SDK2: variants seen among roughly 807,000 people sequenced by gnomAD.
SDK2 encodes the protein protein sidekick-2.
In SDK2, 105 loss-of-function variants were observed where a neutral mutation model predicts 253.9. The observed-to-expected ratio is 0.41, with a 90% CI of 0.35 to 0.49. The LOEUF (loss-of-function observed/expected upper bound fraction) is 0.49, where lower values mean the gene tolerates loss of function less well. Ranked by LOEUF, SDK2 falls within the 20% of genes least tolerant of loss-of-function variation. The pLI is 0.06. For missense variants in SDK2, 2,608 were observed against 3,003.0 expected, an observed-to-expected ratio of 0.87 and a Z score of 3.07; for synonymous variants, 1,249 against 1,234.9, an observed-to-expected ratio of 1.01 and a Z score of -0.24.
intron 1 of SDK2, among the ~76,000 whole-genome samples, chr17:73,526,348 G>C (rs1361002515): frequency 1.3e-5 from 2 of 152,188 alleles, no homozygotes; most frequent in African/African-American, 4.8e-5. Context: ...CCCTGGCTTT[G>C]CCAATTAGGA....
rs2062673781 is a variant in SDK2 at position 73,365,199 on chromosome 17, ATG to A, written c.5305+57_5305+58del. On this transcript the variant is annotated intron_variant, in intron 38 of 44. Transcript: ENST00000392650. ...TGTAGTGGCTGTGATGGGCGCTGAG[ATG>A]AGAGCGAGCTTTTGCAAAGTGGGGG... 3 of 1,364,030 alleles carry A rather than the reference ATG, an allele frequency of 2.2e-6. No homozygotes were observed. The Admixed American group carries it at 7.0e-5, about 32-fold the overall frequency. 84.5% of individuals were successfully genotyped at this position (1,364,030 alleles called of 1,614,324 possible).
chr17:73,402,175 A>G, intron 18 of SDK2, 34 bp from the exon 19 acceptor site: 1 of 1,600,150 alleles, frequency 6.2e-7, no homozygotes, highest in Non-Finnish European at 8.5e-7. Context: ...ACAGGGCAGC[A>G]GGAAGGTTCC....
Position 73,455,876 on chromosome 17 carries a change from C to A in SDK2, c.479+30G>T. 1 of 1,520,552 alleles carries A rather than the reference C, an allele frequency of 6.6e-7. No homozygotes were observed. The highest frequency in any genetic ancestry group is 1.2e-5 in the South Asian group (1 of 82,672). 94.2% of individuals were successfully genotyped at this position (1,520,552 alleles called of 1,614,324 possible). A position where few individuals can be genotyped will look rare whatever the true frequency, so the allele number is the denominator to read the frequency against. On this transcript the variant is annotated intron_variant, in intron 4 of 44. Transcript: ENST00000392650. The surrounding 1 kb of genome is among the most constrained non-coding windows in gnomAD (Gnocchi z 5.0). ...ACCTCCTCCCCCAGACACCCCTCCCCTCCCCGTCCCCTCAGAGCGATGCAC... is the reference window on the plus strand; with the variant it reads ...ACCTCCTCCCCCAGACACCCCTCCCATCCCCGTCCCCTCAGAGCGATGCAC...
chr17:73,415,771 G>A (rs1289651623), intron 17 of SDK2, 40 bp downstream of exon 17: 4 of 1,521,062 alleles, frequency 2.6e-6, no homozygotes, highest in Admixed American at 2.0e-5. Context: ...TTACACGCAT[G>A]AGCCACCGCG....
chr17:73,621,955 A>G (rs1370854074), intron 1 of SDK2, among the ~76,000 whole-genome samples: 1 of 152,232 alleles, frequency 6.6e-6, no homozygotes, highest in Non-Finnish European at 1.5e-5. Flanking sequence ...CAGGATAACC[A>G]ACGACTCATC....
At chr17:73,524,014 G>C (rs900938244) in intron 1 of SDK2, among the ~76,000 whole-genome samples, 2 of 152,170 alleles carry the variant, frequency 1.3e-5, no homozygotes, top group African/African-American at 4.8e-5. Flanking sequence ...ATGAATGAAA[G>C]GGATTTTCTC....
chr17:73,379,778 C>T lies in SDK2; in HGVS notation c.4763-229G>A, dbSNP rs1318726138. ...GGTTGGCCTCTTGGCCTAGGGTGGC[C>T]GTACATTTTATTGTTCAACTGGACA... On this transcript the variant is annotated intron_variant, in intron 34 of 44. Transcript: ENST00000392650. This position sits in a 1 kb window ranked among gnomAD's most constrained non-coding sequence, Gnocchi z 4.5. Among the ~76,000 whole-genome samples, 5 of 150,066 alleles carry T rather than the reference C, an allele frequency of 3.3e-5. No homozygotes were observed. The highest frequency in any genetic ancestry group is 6.7e-5 in the Admixed American group (1 of 14,892).
intron 44 of SDK2, among the ~76,000 whole-genome samples, chr17:73,347,839 G>T (rs1438961672): frequency 6.6e-6 from 1 of 152,182 alleles, no homozygotes; most frequent in Non-Finnish European, 1.5e-5. Context: ...GCTCTCTGAA[G>T]CTCTGTGTCT....
intron 1 of SDK2, among the ~76,000 whole-genome samples, chr17:73,567,895 A>G (rs2045332209): frequency 6.6e-6 from 1 of 152,252 alleles, no homozygotes; most frequent in Non-Finnish European, 1.5e-5. Flanking sequence ...CATAAATTTA[A>G]AACAACTTGC....
chr17:73,543,417 G>C (rs2044902717), intron 1 of SDK2, among the ~76,000 whole-genome samples: 1 of 152,212 alleles, frequency 6.6e-6, no homozygotes. Context: ...CTGAGGACAG[G>C]TGTGTGGCAC....
chr17:73,492,231 C>T (rs1010284875), intron 2 of SDK2, among the ~76,000 whole-genome samples: 9 of 152,132 alleles, frequency 5.9e-5, no homozygotes, highest in South Asian at 2.1e-4. Context: ...ATAATAATCC[C>T]GGTTGTTTAA....
intron 1 of SDK2, among the ~76,000 whole-genome samples, chr17:73,632,341 A>G (rs1437225742): frequency 6.6e-6 from 1 of 152,230 alleles, no homozygotes; most frequent in Non-Finnish European, 1.5e-5. Flanking sequence ...AGGCAGAGGA[A>G]CGTGGAAGAA....
At chr17:73,563,772 C>T (rs1015855610) in intron 1 of SDK2, among the ~76,000 whole-genome samples, 2 of 151,398 alleles carry the variant, frequency 1.3e-5, no homozygotes, top group East Asian at 1.9e-4. Context: ...TTTTTTCTCT[C>T]ACTGATTTTT....
In SDK2 at chr17:73,361,804, G is replaced by GACC; in HGVS notation, c.5346_5347insGGT (p.Ser1782_Pro1783insGly). The GACC allele has an allele frequency of 6.2e-7, 1 of 1,607,932 alleles. No individual in the cohort carries two copies. Among genetic ancestry groups the GACC allele is most frequent in the African/African-American group, 1.3e-5 (1 of 74,966 alleles). ...AGGTCCTTCACCTTCAGCCACAGGG[G>GACC]GCTGTTCCCCTTCACGTCCACGGTC... On this transcript the variant is annotated inframe_insertion, in exon 39 of 45. Transcript: ENST00000392650. The surrounding 1 kb of genome is among the most constrained non-coding windows in gnomAD (Gnocchi z 4.1).
At chr17:73,387,633 A>C (rs911175528) in intron 30 of SDK2, among the ~76,000 whole-genome samples, 5 of 152,208 alleles carry the variant, frequency 3.3e-5, no homozygotes, top group African/African-American at 1.2e-4. Context: ...AGAGTTCCAG[A>C]GGGAACAGAG....
chr17:73,568,921 C>T (rs921721445), intron 1 of SDK2, among the ~76,000 whole-genome samples: 13 of 152,190 alleles, frequency 8.5e-5, no homozygotes, highest in Non-Finnish European at 2.9e-5. Context: ...TTGCCATCGT[C>T]TCCCTAAAAA....
Position 73,616,254 on chromosome 17 carries a change from G to C in SDK2, c.64+27771C>G, listed in dbSNP as rs1400871289. On this transcript the variant is annotated intron_variant, in intron 1 of 44. Transcript: ENST00000392650. This position sits in a 1 kb window ranked among gnomAD's most constrained non-coding sequence, Gnocchi z 5.2. ...TGTGCTCGGCAGCCCCAGGCATCCC[G>C]GTGCTGCTTGCCTTCCCCACCCTCT... Among the ~76,000 whole-genome samples the C allele has an allele frequency of 1.3e-5, 2 of 152,012 alleles. No individual in the cohort carries two copies. The highest frequency in any genetic ancestry group is 2.9e-5 in the Non-Finnish European group (2 of 68,012).
chr17:73,631,191 TGAGCTTG>T (rs1567883546), intron 1 of SDK2, among the ~76,000 whole-genome samples: 1 of 152,170 alleles, frequency 6.6e-6, no homozygotes. Flanking sequence ...AGGCGGATAA[TGAGCTTG>T]GAGCCCAGCT....
Position 73,567,404 on chromosome 17 carries a change from G to A in SDK2, c.65-59807C>T, listed in dbSNP as rs374278408. On this transcript the variant is annotated intron_variant, in intron 1 of 44. Coordinates refer to ENST00000392650, the MANE Select transcript of SDK2 (RefSeq NM_001144952.2). The stretch of plus-strand genomic sequence containing the variant: ...CCCAGACAAGGCCTGCCACGGGGCG[G>A]AGCCCCCACAGAAGGCCTCTGCTAG... Among the ~76,000 whole-genome samples the A allele has an allele frequency of 2.4e-4, 37 of 151,966 alleles. No homozygotes were observed. In the East Asian group the frequency reaches 4.2e-3, roughly 17 times the overall value.
Sources: allele counts gnomAD v4.1 joint callset (sites outside exome capture counted in the v4.1 genomes callset), GRCh38; gene constraint gnomAD v4.1.1; non-coding constraint Gnocchi (gnomAD v3.1); transcripts MANE v1.5; gene names NCBI Gene and HGNC (gene_info 2026-07-23, HGNC 2026-07-21).